ADAMTSL1: variants seen among roughly 807,000 people sequenced by gnomAD.
The protein encoded by ADAMTSL1 is ADAMTS-like protein 1.
ADAMTSL1 carries 126 observed loss-of-function variants against 201.8 expected under a neutral mutation model. The observed-to-expected ratio is 0.62, with a 90% CI of 0.54 to 0.72. The LOEUF is 0.72. ADAMTSL1 is among the 30% of genes least tolerant of loss of function. The pLI is 0.00. For synonymous variants in ADAMTSL1, 1,121 were observed against 903.4 expected (o/e 1.24, Z -4.32); for missense variants, 2,679 against 2,277.8 (o/e 1.18, Z -3.59).
At position 18,908,803 on chromosome 9, in the gene ADAMTSL1, GA is replaced by G; in HGVS notation, c.*256del. On this transcript the variant is annotated 3_prime_UTR_variant, in exon 29 of 29. Coordinates refer to ENST00000380548, the MANE Select transcript of ADAMTSL1 (RefSeq NM_001040272.6). ...AGGAGGTTGCAGAGCAGGCCAGGCA[GA>G]CAGTGGGGGCTCCCTTGAAGAGCTT... is the stretch of plus-strand genomic sequence containing the variant. 1 of 383,882 alleles carries G rather than the reference GA, an allele frequency of 2.6e-6. No homozygotes were observed. The highest frequency in any genetic ancestry group is 4.7e-6 in the Non-Finnish European group (1 of 211,686). The allele number at this position is 383,882 out of a possible 1,614,324, so 23.8% of individuals were successfully genotyped here.
intron 4 of ADAMTSL1, among the ~76,000 whole-genome samples, chr9:18,609,669 A>T (rs989335421): frequency 6.6e-6 from 1 of 152,164 alleles, no homozygotes; most frequent in Non-Finnish European, 1.5e-5. Flanking sequence ...TGCATTTCAC[A>T]TATATAATGA....
intron 2 of ADAMTSL1, among the ~76,000 whole-genome samples, chr9:18,187,618 CAAGAA>C (rs1165531515): frequency 1.8e-4 from 27 of 152,086 alleles, no homozygotes; most frequent in African/African-American, 6.5e-4. Flanking sequence ...TTTGGGTACA[CAAGAA>C]AAGTTGGAAT....
intron 2 of ADAMTSL1, among the ~76,000 whole-genome samples, chr9:18,365,910 G>C (rs1836747067): frequency 6.6e-6 from 1 of 152,114 alleles, no homozygotes; most frequent in Non-Finnish European, 1.5e-5. Context: ...ACATGGGAGG[G>C]AGCTGGGTTG....
At chr9:18,748,443 T>C (rs1275988183) in intron 15 of ADAMTSL1, among the ~76,000 whole-genome samples, 6 of 152,148 alleles carry the variant, frequency 3.9e-5, no homozygotes, top group African/African-American at 1.4e-4. Context: ...AACACCATAA[T>C]CCAACAAGCT....
At chr9:18,448,237 G>A (rs1794181685) in intron 2 of ADAMTSL1, among the ~76,000 whole-genome samples, 1 of 152,152 alleles carries the variant, frequency 6.6e-6, no homozygotes, top group Non-Finnish European at 1.5e-5. Context: ...GAGGCTTGGA[G>A]AAAGAAGTTT....
At chr9:18,182,631 A>C (rs1828548941) in intron 2 of ADAMTSL1, among the ~76,000 whole-genome samples, 1 of 152,240 alleles carries the variant, frequency 6.6e-6, no homozygotes, top group Non-Finnish European at 1.5e-5. Context: ...GGTAGTGATA[A>C]TAATAGTGAT....
intron 2 of ADAMTSL1, among the ~76,000 whole-genome samples, chr9:18,517,351 C>T (rs1347110468): frequency 2.0e-5 from 3 of 151,510 alleles, no homozygotes; most frequent in Non-Finnish European, 4.4e-5. Context: ...AAAATAGAGC[C>T]CAATTTTTTT....
chr9:18,435,158 G>A (rs1269606311), intron 2 of ADAMTSL1, among the ~76,000 whole-genome samples: 2 of 152,130 alleles, frequency 1.3e-5, no homozygotes, highest in African/African-American at 4.8e-5. Context: ...TTTTAGAAAG[G>A]CTTATTGCTC....
intron 4 of ADAMTSL1, among the ~76,000 whole-genome samples, chr9:18,613,705 G>A (rs747269264): frequency 6.6e-6 from 1 of 152,038 alleles, no homozygotes; most frequent in Non-Finnish European, 1.5e-5. Context: ...ACAAAAAGGG[G>A]AACAACAGAC....
intron 10 of ADAMTSL1, among the ~76,000 whole-genome samples, chr9:18,678,315 T>C (rs1410346695): frequency 6.6e-6 from 1 of 152,148 alleles, no homozygotes; most frequent in Non-Finnish European, 1.5e-5. Context: ...ACTTACCTGG[T>C]TACCATCTTC....
intron 15 of ADAMTSL1, among the ~76,000 whole-genome samples, chr9:18,750,724 T>C (rs927430339): frequency 1.3e-5 from 2 of 152,164 alleles, no homozygotes; most frequent in Non-Finnish European, 2.9e-5. Flanking sequence ...TCACAGTTCA[T>C]GTGAGTGAGG....
intron 1 of ADAMTSL1, among the ~76,000 whole-genome samples, chr9:18,042,548 G>A (rs1366033146): frequency 6.6e-6 from 1 of 152,016 alleles, no homozygotes; most frequent in African/African-American, 2.4e-5. Context: ...AGATGTGCTC[G>A]ATAACAAAGC....
intron 1 of ADAMTSL1, among the ~76,000 whole-genome samples, chr9:18,088,876 A>C (rs773615777): frequency 6.6e-6 from 1 of 152,190 alleles, no homozygotes; most frequent in Non-Finnish European, 1.5e-5. Context: ...TAACAATCCT[A>C]CTTCTGGGTA....
chr9:17,986,760 T>C (rs557103861), intron 1 of ADAMTSL1, among the ~76,000 whole-genome samples: 1 of 152,080 alleles, frequency 6.6e-6, no homozygotes, highest in Non-Finnish European at 1.5e-5. Flanking sequence ...CAGGTGTGTA[T>C]GCAGTACTAG....
intron 2 of ADAMTSL1, among the ~76,000 whole-genome samples, chr9:18,246,883 G>A (rs889373800): frequency 6.6e-6 from 1 of 152,174 alleles, no homozygotes; most frequent in Non-Finnish European, 1.5e-5. Flanking sequence ...AATATATGGT[G>A]TGGAGAGGAG....
At chr9:18,679,417 G>A (rs144185908) in intron 10 of ADAMTSL1, among the ~76,000 whole-genome samples, 31 of 152,212 alleles carry the variant, frequency 2.0e-4, no homozygotes, top group African/African-American at 6.5e-4. Context: ...TAAATCTACA[G>A]GAGGAGAGAA....
chr9:17,916,625 C>T lies in ADAMTSL1; in HGVS notation c.87+9703C>T, dbSNP rs139473598. Among the ~76,000 whole-genome samples, 534 of 152,188 alleles carry T rather than the reference C, an allele frequency of 3.5e-3. 2 individuals are homozygous for T. Among genetic ancestry groups the T allele is most frequent in the African/African-American group, 0.012 (512 of 41,552 alleles). On this transcript the variant is annotated intron_variant, in intron 1 of 29. Transcript: ENST00000680146. ...TTCAAAAATCAGTTGTCCACACACG[C>T]GTAGGTCTATTTTTGGATTCTCTGC...
chr9:18,853,921 G>A (rs571022128), intron 23 of ADAMTSL1, among the ~76,000 whole-genome samples: 31 of 152,026 alleles, frequency 2.0e-4, no homozygotes, highest in East Asian at 5.8e-4. Flanking sequence ...GTGTGTGTGC[G>A]CGTGCATGCA....
intron 2 of ADAMTSL1, among the ~76,000 whole-genome samples, chr9:18,190,450 G>T (rs577009368): frequency 1.3e-5 from 2 of 152,246 alleles, no homozygotes; most frequent in African/African-American, 2.4e-5. Context: ...TTAAACAGAG[G>T]ACTCTTATTA....
Sources: allele counts gnomAD v4.1 joint callset (sites outside exome capture counted in the v4.1 genomes callset), GRCh38; gene constraint gnomAD v4.1.1; transcripts MANE v1.5; gene names NCBI Gene and HGNC (gene_info 2026-07-23, HGNC 2026-07-21).